The following SPHKAP variants were observed in gnomAD, a reference collection of about 807,000 sequenced individuals.
SPHKAP encodes the protein A-kinase anchor protein SPHKAP.
Under a neutral mutation model 137.5 loss-of-function variants are expected in SPHKAP, and 67 were observed. That is an observed-to-expected ratio of 0.49 (90% CI 0.40 to 0.60). The LOEUF (loss-of-function observed/expected upper bound fraction) is 0.60, where lower values mean the gene tolerates loss of function less well. Among genes scored for constraint, SPHKAP ranks in the 20% least tolerant of loss-of-function variants. The pLI is 0.00. For synonymous variants in SPHKAP, 813 were observed against 785.3 expected (o/e 1.04, Z -0.59); for missense variants, 2,097 against 2,069.3 (o/e 1.01, Z -0.26).
At chr2:228,068,152 G>A (rs1397675739) in intron 3 of SPHKAP, among the ~76,000 whole-genome samples, 1 of 151,888 alleles carries the variant, frequency 6.6e-6, no homozygotes, top group African/African-American at 2.4e-5. Context: ...ATTAAATACC[G>A]AGGAATAAAC....
intron 2 of SPHKAP, among the ~76,000 whole-genome samples, chr2:228,126,937 A>C (rs1411471600): frequency 6.6e-6 from 1 of 152,216 alleles, no homozygotes; most frequent in Non-Finnish European, 1.5e-5. Flanking sequence ...AATTTTTTTC[A>C]GAGGCTGATT....
intron 1 of SPHKAP, among the ~76,000 whole-genome samples, chr2:228,156,084 G>C (rs143173850): frequency 6.6e-6 from 1 of 152,120 alleles, no homozygotes; most frequent in African/African-American, 2.4e-5. Context: ...AAGAGAAAAA[G>C]ACTCTTATTT....
chr2:228,176,613 G>A (rs1328932689), intron 1 of SPHKAP, among the ~76,000 whole-genome samples: 3 of 152,178 alleles, frequency 2.0e-5, no homozygotes, highest in African/African-American at 7.2e-5. Context: ...CGTGGCTCAC[G>A]CCTGTAATCC....
Position 228,018,266 on chromosome 2 carries a change from G to T in SPHKAP, c.2588C>A (p.Pro863Gln). 6.2e-7 allele frequency: 1 copy of T among 1,614,136 alleles called. No individual in the cohort carries two copies. The highest frequency in any genetic ancestry group is 8.5e-7 in the Non-Finnish European group (1 of 1,180,026). The change falls in exon 7 of 12, where the codon CCA becomes CAA. Residue 863 changes from proline (P) to glutamine (Q), a missense_variant. Coordinates refer to ENST00000392056, the MANE Select transcript of SPHKAP (RefSeq NM_001142644.2). ...CRASSEGQRS[P>Q]TVSQSRSGSQ... Reference sequence around the variant, plus strand: ...ACCACTTCTGGACTGGCTGACCGTTGGGGACCTTTGTCCTTCGGAAGAGGC... The same window carrying T: ...ACCACTTCTGGACTGGCTGACCGTTTGGGACCTTTGTCCTTCGGAAGAGGC...
rs193169735 is a variant in SPHKAP at position 228,070,281 on chromosome 2, G to A, written c.246+38551C>T. Among the ~76,000 whole-genome samples, 134 of 152,146 alleles carry A rather than the reference G, an allele frequency of 8.8e-4. No individual in the cohort carries two copies. In the South Asian group the frequency reaches 9.4e-3, roughly 11 times the overall value. The stretch of plus-strand genomic sequence containing the variant: ...GAGACATAATTGTCATCTTCATGTC[G>A]AATATGCTGAGGAGGAGGAGGAAGA... On this transcript the variant is annotated intron_variant, in intron 3 of 11. Transcript: ENST00000392056.
rs1692950083 is a variant in SPHKAP, at chr2:227,980,263, G to T, written c.*1454C>A. 1 of 152,234 alleles carries T rather than the reference G, an allele frequency of 6.6e-6. No homozygotes were observed. Among genetic ancestry groups the T allele is most frequent in the South Asian group, 2.1e-4 (1 of 4,820 alleles). The allele number at this position is 152,234 out of a possible 1,614,324, so 9.4% of individuals were successfully genotyped here. A position where few individuals can be genotyped will look rare whatever the true frequency, so the allele number is the denominator to read the frequency against. ...TATCTGAATAAGAAATGCCTAATGA[G>T]CACTGGGCAAGTATCCTAGGATGGG... On this transcript the variant is annotated 3_prime_UTR_variant, in exon 12 of 12. Coordinates refer to ENST00000392056, the MANE Select transcript of SPHKAP (RefSeq NM_001142644.2).
At chr2:228,112,165 A>G (rs1698538707) in intron 2 of SPHKAP, among the ~76,000 whole-genome samples, 1 of 152,104 alleles carries the variant, frequency 6.6e-6, no homozygotes, top group Non-Finnish European at 1.5e-5. Context: ...AGATTTTGGA[A>G]CACCCATCAA....
In SPHKAP at chr2:227,995,519, G is replaced by GCTC. The variant is rs755765201; in HGVS notation, c.4621_4623dup (p.Glu1541dup). The GCTC allele has an allele frequency of 8.1e-6, 13 of 1,613,856 alleles. No individual in the cohort carries two copies. In the African/African-American group the frequency reaches 1.7e-4, roughly 22 times the overall value. Reference sequence around the variant, plus strand: ...GGGAAGAGCAGGTACCTCATGGATCGCTCACTGAGCTGGAGAAAGCTACTT... The same window carrying GCTC: ...GGGAAGAGCAGGTACCTCATGGATCGCTCCTCACTGAGCTGGAGAAAGCTACTT... On this transcript the variant is annotated inframe_insertion, in exon 8 of 12. Transcript: ENST00000392056.
chr2:228,051,668 T>C (rs2106273694), intron 3 of SPHKAP, among the ~76,000 whole-genome samples: 1 of 152,338 alleles, frequency 6.6e-6, no homozygotes, highest in East Asian at 1.9e-4. Context: ...AACTCAATGG[T>C]TGATTCTTGT....
chr2:228,000,511 G>C (rs531226682), intron 7 of SPHKAP, among the ~76,000 whole-genome samples: 1 of 151,948 alleles, frequency 6.6e-6, no homozygotes, highest in Admixed American at 6.6e-5. Context: ...CCAGCTACTC[G>C]GGAGGCTGAG....
chr2:228,019,370 G>A lies in SPHKAP; in HGVS notation c.1484C>T (p.Ala495Val), dbSNP rs372776095. 1.9e-6 allele frequency: 3 copies of A among 1,614,046 alleles called. No homozygotes were observed. Among genetic ancestry groups the A allele is most frequent in the South Asian group, 1.1e-5 (1 of 91,090 alleles). The part of the protein sequence containing the change: ...GENSSRQPQS[A>V]LEVALACAAT... ...TGCACAAGCTAACGCCACTTCTAGA[G>A]CACTCTGGGGTTGTCTGCTGGAGTT... The change falls in exon 7 of 12, where the codon GCT (alanine) becomes GTT (valine). Residue 495 changes from alanine (A) to valine (V), a missense_variant. Ala to Val is a moderately conservative substitution (Grantham distance 64). Coordinates refer to ENST00000392056, the MANE Select transcript of SPHKAP (RefSeq NM_001142644.2).
chr2:228,078,872 A>G (rs1015262203), intron 3 of SPHKAP, among the ~76,000 whole-genome samples: 7 of 151,976 alleles, frequency 4.6e-5, no homozygotes, highest in Non-Finnish European at 7.4e-5. Flanking sequence ...CTCCAAGTAA[A>G]ACCCCCACAG....
At chr2:228,145,192 A>G (rs1482898686) in intron 1 of SPHKAP, among the ~76,000 whole-genome samples, 3 of 152,172 alleles carry the variant, frequency 2.0e-5, no homozygotes, top group Non-Finnish European at 2.9e-5. Flanking sequence ...AAACAACAAC[A>G]TCATCACACC....
Position 228,018,410 on chromosome 2 carries a change from G to A in SPHKAP, c.2444C>T (p.Ser815Leu), listed in dbSNP as rs750362839. 3 of 1,614,074 alleles carry A rather than the reference G, an allele frequency of 1.9e-6. No homozygotes were observed. The South Asian group carries it at 3.3e-5, about 18-fold the overall frequency. Reference sequence around the variant, plus strand: ...AGAATCGGGCACTCTGTGACTACGTGATAATTGTGACTGCAGCGTGGGGTT... The same window carrying A: ...AGAATCGGGCACTCTGTGACTACGTAATAATTGTGACTGCAGCGTGGGGTT... ...FKNPTLQSQL[S>L]RSHRVPDSST... The change falls in exon 7 of 12, where the codon TCA (serine) becomes TTA (leucine). Residue 815 changes from serine to leucine, a missense_variant. Ser to Leu is a moderately radical substitution (Grantham distance 145). Coordinates refer to ENST00000392056, the MANE Select transcript of SPHKAP (RefSeq NM_001142644.2).
intron 7 of SPHKAP, among the ~76,000 whole-genome samples, chr2:228,012,528 CATT>C (rs1323694136): frequency 6.6e-6 from 1 of 152,164 alleles, no homozygotes; most frequent in Non-Finnish European, 1.5e-5. Flanking sequence ...TTTGCTACCA[CATT>C]ATTTTTTATT....
intron 3 of SPHKAP, among the ~76,000 whole-genome samples, chr2:228,062,747 T>C (rs1696696313): frequency 6.6e-6 from 1 of 152,176 alleles, no homozygotes; most frequent in Non-Finnish European, 1.5e-5. Context: ...AAAATCATAA[T>C]ATTAGAAATA....
chr2:228,091,042 G>A (rs1432819194), intron 3 of SPHKAP, among the ~76,000 whole-genome samples: 1 of 152,150 alleles, frequency 6.6e-6, no homozygotes, highest in African/African-American at 2.4e-5. Context: ...AGAGTAAACA[G>A]TCCAATCAAA....
intron 3 of SPHKAP, among the ~76,000 whole-genome samples, chr2:228,051,943 C>T (rs569961189): frequency 9.2e-5 from 14 of 151,714 alleles, no homozygotes; most frequent in East Asian, 2.0e-4. Context: ...AACCCCCAAA[C>T]GCCCCACCTT....
At chr2:228,076,900 C>T (rs1414741670) in intron 3 of SPHKAP, among the ~76,000 whole-genome samples, 2 of 152,178 alleles carry the variant, frequency 1.3e-5, no homozygotes, top group Non-Finnish European at 2.9e-5. Context: ...CCTCCTATCA[C>T]AGACCCTGAG....
Sources: allele counts gnomAD v4.1 joint callset (sites outside exome capture counted in the v4.1 genomes callset), GRCh38; gene constraint gnomAD v4.1.1; transcripts MANE v1.5; gene names NCBI Gene and HGNC (gene_info 2026-07-23, HGNC 2026-07-21).